The following KALRN variants were observed in gnomAD, a reference collection of about 807,000 sequenced individuals.
KALRN encodes kalirin RhoGEF kinase.
KALRN carries 70 observed loss-of-function variants against 353.7 expected under a neutral mutation model. That is an observed-to-expected ratio of 0.20 (90% CI 0.16 to 0.24). KALRN has a LOEUF of 0.24. KALRN is among the 10% of genes least tolerant of loss of function. The probability of loss-of-function intolerance (pLI) is 1.00; values close to 1 mark genes in which losing one functional copy is unlikely to be tolerated. For synonymous variants in KALRN, 1,391 were observed against 1,434.8 expected (o/e 0.97, Z 0.69); for missense variants, 2,791 against 3,756.7 (o/e 0.74, Z 6.72).
intron 37 of KALRN, among the ~76,000 whole-genome samples, chr3:124,639,194 T>C (rs7653534): frequency 0.29 from 43,795 of 151,956 alleles, 6,503 homozygotes; most frequent in East Asian, 0.44. Flanking sequence ...CTCCCTCTTA[T>C]GTTTGCTTAT....
At chr3:124,168,696 T>C (rs2071263346) in intron 1 of KALRN, among the ~76,000 whole-genome samples, 1 of 152,220 alleles carries the variant, frequency 6.6e-6, no homozygotes, top group African/African-American at 2.4e-5. Context: ...TGTCTTTGCA[T>C]CATAGTTTTA....
At chr3:124,565,773 C>A (rs2072732898) in intron 34 of KALRN, among the ~76,000 whole-genome samples, 1 of 152,180 alleles carries the variant, frequency 6.6e-6, no homozygotes, top group Non-Finnish European at 1.5e-5. Flanking sequence ...ACATGTGCAA[C>A]TTCGCAGGAG....
Position 124,434,461 on chromosome 3 carries a change from T to TTCA in KALRN, c.2984_2985insTCA (p.Leu995_Lys996insGln). 6.2e-7 allele frequency: 1 copy of TTCA among 1,614,256 alleles called. No individual in the cohort carries two copies. Among genetic ancestry groups the TTCA allele is most frequent in the Non-Finnish European group, 8.5e-7 (1 of 1,180,030 alleles). ...GCCCTCCACTGGCAGCAGCTCATGC[T>TTCA]GAAGATGGAAGACCGGCTAAAATTG... On this transcript the variant is annotated inframe_insertion, in exon 17 of 60. Transcript: ENST00000682506.
chr3:124,279,385 G>T (rs929728422), intron 5 of KALRN, among the ~76,000 whole-genome samples: 5 of 152,232 alleles, frequency 3.3e-5, no homozygotes, highest in African/African-American at 1.2e-4. Flanking sequence ...ACAAATGGTA[G>T]ATTTGTAGAG....
intron 33 of KALRN, among the ~76,000 whole-genome samples, chr3:124,548,877 C>T (rs1028466379): frequency 6.6e-6 from 1 of 152,234 alleles, no homozygotes. Context: ...TGGTCTCATA[C>T]TCCTCACCTC....
chr3:124,207,227 C>T (rs1171265527), intron 1 of KALRN, among the ~76,000 whole-genome samples: 1 of 152,216 alleles, frequency 6.6e-6, no homozygotes, highest in Non-Finnish European at 1.5e-5. Context: ...GGCAGGCCCC[C>T]AGGCAGTGAC....
chr3:124,406,792 C>T (rs2091589519), intron 13 of KALRN, among the ~76,000 whole-genome samples: 2 of 149,522 alleles, frequency 1.3e-5, no homozygotes, highest in Admixed American at 1.3e-4. Context: ...ACCTGTTTTA[C>T]TAACTTTACT....
At chr3:124,153,754 T>C (rs2068549763) in intron 1 of KALRN, among the ~76,000 whole-genome samples, 1 of 151,882 alleles carries the variant, frequency 6.6e-6, no homozygotes, top group Admixed American at 6.5e-5. Context: ...AGTGTTCCTA[T>C]TTCTCCACAT....
intron 17 of KALRN, among the ~76,000 whole-genome samples, chr3:124,435,866 A>C (rs1323287692): frequency 6.6e-6 from 1 of 152,268 alleles, no homozygotes. Flanking sequence ...TGGAAATAAA[A>C]TGCAAATGCA....
intron 4 of KALRN, among the ~76,000 whole-genome samples, chr3:124,268,065 G>T (rs1420227933): frequency 6.6e-6 from 1 of 152,212 alleles, no homozygotes; most frequent in Non-Finnish European, 1.5e-5. Context: ...GGAAGGAAAA[G>T]ATGTTTACTA....
chr3:124,398,305 G>T (rs1688902238), intron 12 of KALRN, among the ~76,000 whole-genome samples: 1 of 152,150 alleles, frequency 6.6e-6, no homozygotes, highest in African/African-American at 2.4e-5. Flanking sequence ...TGTACGTATT[G>T]TGATAGATTT....
At chr3:124,670,399 C>T (rs1006886637) in intron 47 of KALRN, among the ~76,000 whole-genome samples, 3 of 152,198 alleles carry the variant, frequency 2.0e-5, no homozygotes, top group African/African-American at 7.2e-5. Context: ...CTTAATGCCA[C>T]AAAACACTCC....
intron 34 of KALRN, among the ~76,000 whole-genome samples, chr3:124,594,253 G>C (rs1181688459): frequency 6.6e-6 from 1 of 152,114 alleles, no homozygotes; most frequent in African/African-American, 2.4e-5. Flanking sequence ...TGGAGACAGA[G>C]TCTCGCTCTG....
At chr3:124,400,851 A>G (rs1011607302) in intron 13 of KALRN, among the ~76,000 whole-genome samples, 1 of 152,130 alleles carries the variant, frequency 6.6e-6, no homozygotes, top group Non-Finnish European at 1.5e-5. Context: ...TTGCTGTTGT[A>G]CTTCTTATTT....
At chr3:124,633,724 C>T (rs537527173) in intron 35 of KALRN, 128 bp from the exon 36 acceptor site, 20 of 705,212 alleles carry the variant, frequency 2.8e-5, no homozygotes, top group South Asian at 1.9e-4. Context: ...GAGGAAATTG[C>T]GACTGAACAG....
rs146360914 is a variant in KALRN at position 124,715,118 on chromosome 3, A to C, written c.8276+1983A>C. Among the ~76,000 whole-genome samples the C allele has an allele frequency of 5.9e-5, 9 of 152,320 alleles. No homozygotes were observed. In the East Asian group the frequency reaches 1.7e-3, roughly 29 times the overall value. ...ATAGATAGATAAATGGATGATTTTA[A>C]TATAACATGATAAATACTAAGAAAG... On this transcript the variant is annotated intron_variant, in intron 58 of 59. Transcript: ENST00000682506.
At chr3:124,668,314 G>A (rs2085935007) in intron 47 of KALRN, among the ~76,000 whole-genome samples, 1 of 152,200 alleles carries the variant, frequency 6.6e-6, no homozygotes, top group Non-Finnish European at 1.5e-5. Flanking sequence ...AATGCTGAAG[G>A]GAAAGATAAA....
At chr3:124,251,519 G>A (rs944037158) in intron 3 of KALRN, among the ~76,000 whole-genome samples, 7 of 151,970 alleles carry the variant, frequency 4.6e-5, no homozygotes, top group Non-Finnish European at 1.0e-4. Context: ...ACAGGCATGC[G>A]CCACCTTGCC....
intron 1 of KALRN, among the ~76,000 whole-genome samples, chr3:124,118,880 G>A (rs954725297): frequency 2.6e-5 from 4 of 152,150 alleles, no homozygotes; most frequent in Non-Finnish European, 4.4e-5. Flanking sequence ...AGCAGTATAT[G>A]TATCCCCATT....
Sources: gnomAD v4.1 joint callset for allele counts (sites outside exome capture counted in the v4.1 genomes callset) on GRCh38, gnomAD v4.1.1 for gene constraint, MANE v1.5 for transcripts, NCBI Gene and HGNC (gene_info 2026-07-23, HGNC 2026-07-21) for gene names.